Variants in TACR2 observed in about 807,000 individuals in gnomAD.
TACR2 encodes the protein substance-K receptor.
Under a neutral mutation model 28.9 loss-of-function variants are expected in TACR2, and 24 were observed. The ratio of observed to expected loss-of-function variants is 0.83; its 90% CI spans 0.60 to 1.17. The LOEUF is 1.17. TACR2 is among the 50% of genes most tolerant of loss of function. The probability of loss-of-function intolerance (pLI) is 0.00; values close to 1 mark genes in which losing one functional copy is unlikely to be tolerated. For missense variants in TACR2, 487 were observed against 524.4 expected (o/e 0.93, Z 0.70); for synonymous variants, 222 against 212.6 (o/e 1.04, Z -0.38).
At chr10:69,415,756 C>T (rs1414898784) in intron 1 of TACR2, among the ~76,000 whole-genome samples, 176 bp downstream of exon 1, 1 of 152,212 alleles carries the variant, frequency 6.6e-6, no homozygotes, top group Non-Finnish European at 1.5e-5. Flanking sequence ...CTACCTTCTT[C>T]AGCTCCACAG....
At chr10:69,407,031 G>C (rs987675572) in intron 4 of TACR2, 53 bp downstream of exon 4, 49 of 1,580,056 alleles carry the variant, frequency 3.1e-5, no homozygotes, top group Non-Finnish European at 4.0e-5. Context: ...GCCCACCTGG[G>C]GCTGGGCAGT....
rs879851381 is a variant in TACR2, at chr10:69,414,580, C to CCT, written c.587+364_587+365insAG. Among the ~76,000 whole-genome samples, 273 of 152,218 alleles carry CCT rather than the reference C, an allele frequency of 1.8e-3. 2 individuals are homozygous for CCT. The highest frequency in any genetic ancestry group is 1.2e-3 in the Non-Finnish European group (80 of 68,024). ...TTAGATTTGAATCCATAGCTGGATT[C>CCT]AAATGACTAGCTGGATTTGAATTAC... On this transcript the variant is annotated intron_variant, in intron 2 of 4. Coordinates refer to ENST00000373306, the MANE Select transcript of TACR2 (RefSeq NM_001057.3).
intron 2 of TACR2, among the ~76,000 whole-genome samples, chr10:69,410,337 T>C (rs1316436695): frequency 6.6e-6 from 1 of 151,162 alleles, no homozygotes; most frequent in East Asian, 1.9e-4. Context: ...GGCAAGATAG[T>C]GAGACCCTAT....
rs1343834419 is a variant in TACR2, at chr10:69,415,092, C to A, written c.440G>T (p.Ser147Ile). 2 of 1,613,060 alleles carry A rather than the reference C, an allele frequency of 1.2e-6. No individual in the cohort carries two copies. Among genetic ancestry groups the A allele is most frequent in the African/African-American group, 2.7e-5 (2 of 74,904 alleles). ...GATGCCAGCAATAACCGCCTTGGTG[C>A]TGGGAGCTGAAAGCCGAGGCTGGAA... Reference protein sequence around the residue: ...HPFQPRLSAPSTKAVIAGIWL... With the variant: ...HPFQPRLSAPITKAVIAGIWL... The change falls in exon 2 of 5, where the codon AGC becomes ATC. Residue 147 changes from serine to isoleucine, a missense_variant. Coordinates refer to ENST00000373306, the MANE Select transcript of TACR2 (RefSeq NM_001057.3).
rs1314558216 is a variant in TACR2 at position 69,416,039 on chromosome 10, G to A, written c.285C>T (p.Ser95=). 1 of 1,614,128 alleles carries A rather than the reference G, an allele frequency of 6.2e-7. No individual in the cohort carries two copies. Among genetic ancestry groups the A allele is most frequent in the African/African-American group, 1.3e-5 (1 of 74,952 alleles). ...CACGGCCAAAGTACCAGATGTTGTG[G>A]CTGGCATAGACAAAGTTGAAGGCGG... ...FNAAFNFVYA[S]HNIWYFGRAF... is the part of the protein sequence containing the mutation. The change falls in exon 1 of 5, where the codon AGC becomes AGT. Residue 95 remains serine, a synonymous_variant. Transcript: ENST00000373306.
rs1343138355 is a variant in TACR2, at chr10:69,404,532, T to C, written c.*294A>G. Reference sequence around the variant, plus strand: ...TGGCTCATGATTCTGGTGGCTGGAATATCCAAGATTGGGCAGCTGCATCTG... The same window carrying C: ...TGGCTCATGATTCTGGTGGCTGGAACATCCAAGATTGGGCAGCTGCATCTG... On this transcript the variant is annotated 3_prime_UTR_variant, in exon 5 of 5. Coordinates refer to ENST00000373306, the MANE Select transcript of TACR2 (RefSeq NM_001057.3). 1 of 265,964 alleles carries C rather than the reference T, an allele frequency of 3.8e-6. No homozygotes were observed. The highest frequency in any genetic ancestry group is 7.0e-6 in the Non-Finnish European group (1 of 142,216). The allele number at this position is 265,964 out of a possible 1,614,324, so 16.5% of individuals were successfully genotyped here.
intron 2 of TACR2, among the ~76,000 whole-genome samples, chr10:69,410,174 C>T (rs1310616751): frequency 1.3e-5 from 2 of 151,736 alleles, no homozygotes; most frequent in South Asian, 2.1e-4. Context: ...CTTCCTACCC[C>T]GTCCCCAGGG....
In TACR2 at chr10:69,415,004, C is replaced by A. The variant is rs561960711; in HGVS notation, c.528G>T (p.Gln176His). 4 of 1,613,882 alleles carry A rather than the reference C, an allele frequency of 2.5e-6. No individual in the cohort carries two copies. The Admixed American group carries it at 6.7e-5, about 27-fold the overall frequency. Reference protein sequence around the residue: ...QCFYSTVTMDQGATKCVVAWP... With the variant: ...QCFYSTVTMDHGATKCVVAWP... Reference sequence around the variant, plus strand: ...AGGCCACCACGCACTTGGTGGCACCCTGGTCCATGGTGACGGTGGAGTAGA... The same window carrying A: ...AGGCCACCACGCACTTGGTGGCACCATGGTCCATGGTGACGGTGGAGTAGA... Residue 176 changes from glutamine (Q) to histidine (H), a missense_variant, in exon 2 of 5, where the codon CAG becomes CAT. Coordinates refer to ENST00000373306, the MANE Select transcript of TACR2 (RefSeq NM_001057.3).
intron 2 of TACR2, among the ~76,000 whole-genome samples, chr10:69,412,118 C>T (rs1399058031): frequency 6.6e-6 from 1 of 152,202 alleles, no homozygotes; most frequent in African/African-American, 2.4e-5. Flanking sequence ...CCGCGCCTGG[C>T]CTGATTTGAG....
At chr10:69,411,175 G>A (rs956284693) in intron 2 of TACR2, among the ~76,000 whole-genome samples, 8 of 152,152 alleles carry the variant, frequency 5.3e-5, no homozygotes, top group African/African-American at 1.7e-4. Flanking sequence ...GCTTCTACCT[G>A]CCACATGCTA....
chr10:69,409,890 CATATATATATATACATATATATAT>C lies in TACR2; in HGVS notation c.588-839_588-816del, dbSNP rs1256093814. ...GTATATATATATATATACATATATA[CATATATATATATACATATATATAT>C]ATATATATATATATATATATATATA... On this transcript the variant is annotated intron_variant, in intron 2 of 4. Transcript: ENST00000373306. 9.9e-4 allele frequency among the ~76,000 whole-genome samples: 35 copies of C among 35,354 alleles called. No individual in the cohort carries two copies. The Middle Eastern group carries it at 0.058, about 58-fold the overall frequency. 23.2% of individuals were successfully genotyped at this position (35,354 alleles called of 152,430 possible). A position where few individuals can be genotyped will look rare whatever the true frequency, so the allele number is the denominator to read the frequency against.
intron 2 of TACR2, among the ~76,000 whole-genome samples, chr10:69,411,382 A>G (rs867833885): frequency 4.5e-4 from 69 of 152,340 alleles, no homozygotes; most frequent in Middle Eastern, 3.4e-3. Context: ...GAAGGAATTC[A>G]GTTCATGATT....
Position 69,414,928 on chromosome 10 carries a change from T to C in TACR2, c.587+17A>G. ...ACACACACACTGTTGCCCTCCACAA[T>C]CCCCCAGAGGCCTTACAGGAGGAGC... On this transcript the variant is annotated intron_variant, in intron 2 of 4. Coordinates refer to ENST00000373306, the MANE Select transcript of TACR2 (RefSeq NM_001057.3). 1 of 1,597,628 alleles carries C rather than the reference T, an allele frequency of 6.3e-7. No individual in the cohort carries two copies. Among genetic ancestry groups the C allele is most frequent in the Non-Finnish European group, 8.6e-7 (1 of 1,168,948 alleles).
intron 2 of TACR2, chr10:69,409,348 A>C: frequency 3.1e-6 from 1 of 321,948 alleles, no homozygotes; most frequent in Non-Finnish European, 5.6e-6. Context: ...CGTGTCAAAA[A>C]AAGGAAAAGT....
In TACR2 at chr10:69,405,007, G is replaced by A; in HGVS notation, c.1016C>T (p.Thr339Ile). The A allele has an allele frequency of 6.2e-7, 1 of 1,614,228 alleles. No individual in the cohort carries two copies. The highest frequency in any genetic ancestry group is 1.1e-5 in the South Asian group (1 of 91,084). Residue 339 changes from threonine to isoleucine, a missense_variant, in exon 5 of 5, where the codon ACT becomes ATT. Physicochemically the swap from Thr to Ile is moderately conservative, Grantham distance 89. Coordinates refer to ENST00000373306, the MANE Select transcript of TACR2 (RefSeq NM_001057.3). Reference protein sequence around the residue: ...TPTKEDKLELTPTTSLSTRVN... With the variant: ...TPTKEDKLELIPTTSLSTRVN... ...TCTCGTGGAGAGGGAGGTCGTGGGAGTCAGCTCGAGCTTATCTTCCTTGGT... is the reference window on the plus strand; with the variant it reads ...TCTCGTGGAGAGGGAGGTCGTGGGAATCAGCTCGAGCTTATCTTCCTTGGT...
chr10:69,405,733 T>G (rs890951411), intron 4 of TACR2, among the ~76,000 whole-genome samples: 3 of 152,050 alleles, frequency 2.0e-5, no homozygotes, highest in African/African-American at 7.2e-5. Flanking sequence ...GCCTGGGGTG[T>G]TGTTTAGACT....
chr10:69,405,935 T>G (rs1338007033), intron 4 of TACR2, among the ~76,000 whole-genome samples: 1 of 152,178 alleles, frequency 6.6e-6, no homozygotes, highest in East Asian at 1.9e-4. Flanking sequence ...CTTTACTGTT[T>G]GTTGTATGAA....
chr10:69,406,076 T>C (rs1840499499), intron 4 of TACR2, among the ~76,000 whole-genome samples: 1 of 152,182 alleles, frequency 6.6e-6, no homozygotes, highest in Admixed American at 6.5e-5. Context: ...AAATCATAGC[T>C]CCTTATTTCC....
intron 2 of TACR2, 101 bp downstream of exon 2, chr10:69,414,844 C>T (rs947493615): frequency 3.8e-6 from 5 of 1,301,776 alleles, no homozygotes; most frequent in African/African-American, 1.5e-5. Flanking sequence ...GCATGCACAC[C>T]ACACATGCAT....
Sources: allele counts gnomAD v4.1 joint callset (sites outside exome capture counted in the v4.1 genomes callset), GRCh38; gene constraint gnomAD v4.1.1; transcripts MANE v1.5; gene names NCBI Gene and HGNC (gene_info 2026-07-23, HGNC 2026-07-21).